The following SSPN variants were observed in gnomAD, a reference collection of about 807,000 sequenced individuals.
SSPN encodes K-ras oncogene-associated protein.
SSPN carries 15 observed loss-of-function variants against 19.1 expected under a neutral mutation model. The ratio of observed to expected loss-of-function variants is 0.78; its 90% CI spans 0.52 to 1.21. The LOEUF (loss-of-function observed/expected upper bound fraction) is 1.21. Ranked by LOEUF, SSPN falls within the 50% of genes most tolerant of loss-of-function variation. SSPN has a pLI of 0.00. For synonymous variants in SSPN, 147 were observed against 140.3 expected (o/e 1.05, Z -0.34); for missense variants, 291 against 314.0 (o/e 0.93, Z 0.55).
In SSPN at chr12:26,195,643, A is replaced by ATCCCCCCCC; in HGVS notation, c.-30_-29insTCCCCCCCC. On this transcript the variant is annotated 5_prime_UTR_variant, in exon 1 of 3. Transcript: ENST00000242729. ...CCAGGGCCCAGGGCGCCGCACACGC[A>ATCCCCCCCC]CCCACCCACCCACCCAGCCTCGCAG... 8.3e-6 allele frequency: 2 copies of ATCCCCCCCC among 242,024 alleles called. No homozygotes were observed. Among genetic ancestry groups the ATCCCCCCCC allele is most frequent in the Non-Finnish European group, 6.7e-6 (1 of 150,342 alleles). The allele number at this position is 242,024 out of a possible 1,614,324, so 15.0% of individuals were successfully genotyped here.
chr12:26,125,165 C>T, intron 1 of SSPN: 1 of 352,104 alleles, frequency 2.8e-6, no homozygotes. Flanking sequence ...CGGGAGAAGG[C>T]GGCGAGAGAA....
chr12:26,142,638 C>A (rs1944467309), intron 1 of SSPN, among the ~76,000 whole-genome samples: 2 of 152,114 alleles, frequency 1.3e-5, no homozygotes, highest in Admixed American at 1.3e-4. Flanking sequence ...TGGGAAAGAT[C>A]AGGGCTAGAG....
chr12:26,164,599 T>A (rs562204468), intron 1 of SSPN, among the ~76,000 whole-genome samples: 1 of 152,364 alleles, frequency 6.6e-6, no homozygotes, highest in African/African-American at 2.4e-5. Flanking sequence ...TTATATTGGC[T>A]TATATTCCAG....
chr12:26,233,885 C>T lies in SSPN; in HGVS notation c.*2809C>T, dbSNP rs1039233894. 4.6e-5 allele frequency: 7 copies of T among 152,232 alleles called. No homozygotes were observed. Among genetic ancestry groups the T allele is most frequent in the African/African-American group, 9.6e-5 (4 of 41,456 alleles). 9.4% of individuals were successfully genotyped at this position (152,232 alleles called of 1,614,324 possible). On this transcript the variant is annotated 3_prime_UTR_variant, in exon 3 of 3. Coordinates refer to ENST00000242729, the MANE Select transcript of SSPN (RefSeq NM_005086.5). The surrounding 1 kb of genome is among the most constrained non-coding windows in gnomAD (Gnocchi z 4.3). The stretch of plus-strand genomic sequence containing the variant: ...GACTTTGTAGCCGAGCCCACTCGAT[C>T]GGTCTGTGCCTTCACGTGACCACCA...
At chr12:26,124,650 A>G in intron 1 of SSPN, 6 of 1,611,638 alleles carry the variant, frequency 3.7e-6, no homozygotes, top group Non-Finnish European at 4.2e-6. Flanking sequence ...GCTCCATACC[A>G]CTTTCTGGAG....
chr12:26,130,427 G>A (rs1428288321), intron 1 of SSPN, among the ~76,000 whole-genome samples: 3 of 151,974 alleles, frequency 2.0e-5, no homozygotes, highest in African/African-American at 7.3e-5. Flanking sequence ...GACTTCAAAG[G>A]TACTCCTACT....
In SSPN at chr12:26,201,379, G is replaced by GA. The variant is rs199969865; in HGVS notation, c.279+5441dup. Among the ~76,000 whole-genome samples the GA allele has an allele frequency of 4.8e-3, 553 of 116,288 alleles. 1 individual carries two copies. The highest frequency in any genetic ancestry group is 0.016 in the East Asian group (66 of 4,152). The allele number at this position is 116,288 out of a possible 152,430, so 76.3% of individuals were successfully genotyped here. On this transcript the variant is annotated intron_variant, in intron 1 of 2. Coordinates refer to ENST00000242729, the MANE Select transcript of SSPN (RefSeq NM_005086.5). ...GGCAACAGAGTGAGACCCCATAACA[G>GA]AAAAAAAAAAAAAGAATTTGGCGAA...
intron 1 of SSPN, among the ~76,000 whole-genome samples, chr12:26,189,196 A>T (rs1944772851): frequency 6.6e-6 from 1 of 152,220 alleles, no homozygotes; most frequent in Non-Finnish European, 1.5e-5. Context: ...ATTATAATTT[A>T]CAGAAAATAT....
chr12:26,137,835 T>C (rs1421055257), intron 1 of SSPN, among the ~76,000 whole-genome samples: 1 of 151,010 alleles, frequency 6.6e-6, no homozygotes, highest in Non-Finnish European at 1.5e-5. Flanking sequence ...CCGGCTAATT[T>C]TTTTGTATTT....
At position 26,168,858 on chromosome 12, in the gene SSPN, A is replaced by G. The variant is rs779432336; in HGVS notation, c.-31+46706A>G. On this transcript the variant is annotated intron_variant, in intron 1 of 2. Coordinates refer to the SSPN transcript ENST00000538142. ...GAGTCTGTGCCCTTGACATGCCACA[A>G]TGGTTAATGTGGTACCTACCATGTT... Among the ~76,000 whole-genome samples the G allele has an allele frequency of 3.3e-5, 5 of 152,226 alleles. No individual in the cohort carries two copies. In the East Asian group the frequency reaches 5.8e-4, roughly 18 times the overall value.
At chr12:26,125,049 C>T (rs1300793313) in intron 1 of SSPN, 2 of 539,228 alleles carry the variant, frequency 3.7e-6, no homozygotes, top group Non-Finnish European at 6.8e-6. Flanking sequence ...CCACAGGGCA[C>T]GCGCGTCGCC....
At chr12:26,214,691 T>C (rs1291931539) in intron 1 of SSPN, 2 of 152,228 alleles carry the variant, frequency 1.3e-5, no homozygotes, top group Non-Finnish European at 2.9e-5. Flanking sequence ...TGTTACTTGA[T>C]GTTTCATGCT....
intron 1 of SSPN, among the ~76,000 whole-genome samples, chr12:26,147,807 T>C (rs1404587950): frequency 2.0e-5 from 3 of 152,112 alleles, no homozygotes; most frequent in African/African-American, 4.8e-5. Flanking sequence ...ACAGGTTCTA[T>C]GGGTAGGTGG....
intron 1 of SSPN, among the ~76,000 whole-genome samples, chr12:26,205,876 A>G (rs942502847): frequency 6.6e-6 from 1 of 152,246 alleles, no homozygotes; most frequent in Non-Finnish European, 1.5e-5. Context: ...GTTCTGAAAC[A>G]GAAGGACCAA....
upstream of SSPN, among the ~76,000 whole-genome samples, chr12:26,192,402 C>T (rs1944794772): frequency 6.6e-6 from 1 of 152,082 alleles, no homozygotes; most frequent in Non-Finnish European, 1.5e-5. Flanking sequence ...TTCTGTTAAA[C>T]TCTATGATGA....
intron 1 of SSPN, among the ~76,000 whole-genome samples, chr12:26,158,211 C>T (rs777964289): frequency 2.6e-5 from 4 of 151,762 alleles, no homozygotes; most frequent in Non-Finnish European, 4.4e-5. Context: ...TTCTTTTTTT[C>T]TGTTTTTCCT....
chr12:26,123,042 C>T (rs1214267603), intron 1 of SSPN: 1 of 1,577,598 alleles, frequency 6.3e-7, no homozygotes, highest in Non-Finnish European at 8.6e-7. Flanking sequence ...CTGGACACAC[C>T]GCGGCTCCCT....
At chr12:26,124,473 T>G (rs377513668) in intron 1 of SSPN, 6 of 1,573,668 alleles carry the variant, frequency 3.8e-6, no homozygotes, top group African/African-American at 1.4e-5. Context: ...TGGCTCTAAT[T>G]AACTACCCAT....
chr12:26,171,112 T>C (rs1388164558), intron 1 of SSPN, among the ~76,000 whole-genome samples: 1 of 152,194 alleles, frequency 6.6e-6, no homozygotes, highest in Non-Finnish European at 1.5e-5. Context: ...TTTGGGATGA[T>C]GCTGTGGGCT....
Sources: gnomAD v4.1 joint callset for allele counts (sites outside exome capture counted in the v4.1 genomes callset) on GRCh38, gnomAD v4.1.1 for gene constraint, Gnocchi (gnomAD v3.1) non-coding constraint, MANE v1.5 for transcripts, NCBI Gene and HGNC (gene_info 2026-07-23, HGNC 2026-07-21) for gene names.